The following GHR variants were observed in gnomAD, a reference collection of about 807,000 sequenced individuals.
The protein encoded by GHR is GH receptor.
Under a neutral mutation model 67.1 loss-of-function variants are expected in GHR, and 35 were observed. The observed-to-expected ratio is 0.52, with a 90% CI of 0.40 to 0.69. The LOEUF (loss-of-function observed/expected upper bound fraction) is 0.69, where lower values mean the gene tolerates loss of function less well. Among genes scored for constraint, GHR ranks in the 30% least tolerant of loss-of-function variants. The probability of loss-of-function intolerance (pLI) is 0.00; values close to 1 mark genes in which losing one functional copy is unlikely to be tolerated. For missense variants in GHR, 792 were observed against 764.6 expected (o/e 1.04, Z -0.42); for synonymous variants, 272 against 269.1 (o/e 1.01, Z -0.10).
At chr5:42,681,935 CA>C (rs11443605) in intron 3 of GHR, among the ~76,000 whole-genome samples, 188 of 79,528 alleles carry the variant, frequency 2.4e-3, no homozygotes, top group African/African-American at 4.6e-3. Flanking sequence ...GACTCCGTCT[CA>C]AAAAAAAAAA....
chr5:42,565,684 T>G (rs1749883053), intron 1 of GHR, 180 bp from the exon 2 acceptor site: 3 of 985,260 alleles, frequency 3.0e-6, no homozygotes, highest in Non-Finnish European at 2.4e-6. Context: ...TACAACCTGC[T>G]GTTTGAGTTC....
chr5:42,473,885 A>T (rs1745120079), intron 1 of GHR, among the ~76,000 whole-genome samples: 1 of 151,362 alleles, frequency 6.6e-6, no homozygotes, highest in Non-Finnish European at 1.5e-5. Context: ...AAAAAAAAAA[A>T]AAAAAGAAAA....
At chr5:42,530,355 A>C (rs1747911356) in intron 1 of GHR, among the ~76,000 whole-genome samples, 1 of 152,182 alleles carries the variant, frequency 6.6e-6, no homozygotes, top group African/African-American at 2.4e-5. Flanking sequence ...TACTCAGTCA[A>C]ATTTTCATGA....
intron 2 of GHR, among the ~76,000 whole-genome samples, chr5:42,566,906 C>T (rs775149995): frequency 3.8e-4 from 58 of 152,216 alleles, no homozygotes; most frequent in African/African-American, 7.7e-4. Context: ...TAGTGAGCTG[C>T]TGAGGGTGAC....
At chr5:42,679,520 G>A (rs1460670451) in intron 3 of GHR, among the ~76,000 whole-genome samples, 2 of 151,972 alleles carry the variant, frequency 1.3e-5, no homozygotes, top group African/African-American at 4.8e-5. Flanking sequence ...AGCTATGCAG[G>A]AGGCTGAGGC....
At chr5:42,713,632 T>G (rs1346465338) in intron 8 of GHR, 113 bp downstream of exon 8, 2 of 714,522 alleles carry the variant, frequency 2.8e-6, no homozygotes, top group Non-Finnish European at 5.1e-6. Context: ...GAAATTTTAG[T>G]TAACCTAGTA....
chr5:42,711,171 C>G (rs757708908), intron 6 of GHR, 36 bp from the exon 7 acceptor site: 2 of 1,554,574 alleles, frequency 1.3e-6, no homozygotes, highest in Non-Finnish European at 1.8e-6. Flanking sequence ...GTTGTTGACT[C>G]TTTGGCCAAT....
intron 1 of GHR, among the ~76,000 whole-genome samples, chr5:42,553,353 G>A (rs373007841): frequency 1.2e-4 from 18 of 152,078 alleles, no homozygotes; most frequent in African/African-American, 4.3e-4. Context: ...CCATTTCCTT[G>A]CTGGCTGTCA....
chr5:42,437,846 G>A lies in GHR; in HGVS notation c.-12+13891G>A, dbSNP rs187022749. ...GCTGGGATTACAGGTGTGAGGCACC[G>A]TGCCGAGCCATCCTGTCTTCTGAAA... is the stretch of plus-strand genomic sequence containing the variant. On this transcript the variant is annotated intron_variant, in intron 1 of 9. Coordinates refer to ENST00000230882, the MANE Select transcript of GHR (RefSeq NM_000163.5). 7.7e-4 allele frequency among the ~76,000 whole-genome samples: 116 copies of A among 150,378 alleles called. 1 individual carries two copies. In the South Asian group the frequency reaches 0.014, roughly 19 times the overall value.
At chr5:42,717,095 G>A (rs983559739) in intron 8 of GHR, among the ~76,000 whole-genome samples, 1 of 152,134 alleles carries the variant, frequency 6.6e-6, no homozygotes, top group African/African-American at 2.4e-5. Flanking sequence ...TTGCCCTGAG[G>A]CCAGGAGTTC....
At chr5:42,649,686 G>A (rs190327661) in intron 3 of GHR, among the ~76,000 whole-genome samples, 59 of 152,222 alleles carry the variant, frequency 3.9e-4, no homozygotes, top group African/African-American at 1.4e-3. Context: ...TGGATAAGCA[G>A]CATCCTTCAC....
At chr5:42,576,064 TAAAA>T (rs1750664095) in intron 2 of GHR, among the ~76,000 whole-genome samples, 2 of 66,244 alleles carry the variant, frequency 3.0e-5, no homozygotes, top group African/African-American at 1.7e-4. Context: ...TAAAATAAAA[TAAAA>T]TAAAATAAAA....
At chr5:42,576,687 T>G (rs891471921) in intron 2 of GHR, among the ~76,000 whole-genome samples, 2 of 152,234 alleles carry the variant, frequency 1.3e-5, no homozygotes, top group Admixed American at 6.5e-5. Flanking sequence ...TTCTAATGTT[T>G]AAGACATAAT....
At chr5:42,700,206 G>A (rs982406848) in intron 6 of GHR, among the ~76,000 whole-genome samples, 2 of 152,128 alleles carry the variant, frequency 1.3e-5, no homozygotes, top group African/African-American at 4.8e-5. Context: ...TATATATGGA[G>A]GCCTGTGGAA....
chr5:42,555,816 G>A lies in GHR; in HGVS notation c.-11-10048G>A, dbSNP rs75160415. On this transcript the variant is annotated intron_variant, in intron 1 of 9. Transcript: ENST00000230882. ...TCCAGCTAAGAGAAGAGAAAGACAA[G>A]GAGCCTGGTAACGTCGGGACATGAA... Among the ~76,000 whole-genome samples, 302 of 152,312 alleles carry A rather than the reference G, an allele frequency of 2.0e-3. 6 individuals are homozygous for A. The East Asian group carries it at 0.023, about 12-fold the overall frequency.
At chr5:42,640,324 G>A (rs939324216) in intron 3 of GHR, among the ~76,000 whole-genome samples, 1 of 152,104 alleles carries the variant, frequency 6.6e-6, no homozygotes, top group Non-Finnish European at 1.5e-5. Context: ...TATCCATCTC[G>A]AAATGGAGAT....
chr5:42,709,416 T>C (rs1267850817), intron 6 of GHR, among the ~76,000 whole-genome samples: 1 of 152,216 alleles, frequency 6.6e-6, no homozygotes. Context: ...GTGCTGGGAT[T>C]ATAGGCATGA....
intron 1 of GHR, among the ~76,000 whole-genome samples, chr5:42,522,180 G>A (rs1354086772): frequency 1.3e-5 from 2 of 152,086 alleles, no homozygotes; most frequent in Non-Finnish European, 2.9e-5. Context: ...TTTAAAAAAG[G>A]CCATTTGTTG....
intron 1 of GHR, among the ~76,000 whole-genome samples, chr5:42,454,527 T>A (rs1744180679): frequency 6.6e-6 from 1 of 152,130 alleles, no homozygotes; most frequent in African/African-American, 2.4e-5. Context: ...CTTGGGCTAG[T>A]CTTGCCACAG....
Sources: allele counts gnomAD v4.1 joint callset (sites outside exome capture counted in the v4.1 genomes callset), GRCh38; gene constraint gnomAD v4.1.1; transcripts MANE v1.5; gene names NCBI Gene and HGNC (gene_info 2026-07-23, HGNC 2026-07-21).